ENOX2: variants seen among roughly 807,000 people sequenced by gnomAD.
ENOX2 encodes the protein ecto-NOX disulfide-thiol exchanger 2, also known as APK1 antigen.
In ENOX2, 36 loss-of-function variants were observed where a neutral mutation model predicts 45.0. The observed-to-expected ratio is 0.80, with a 90% CI of 0.61 to 1.06. The LOEUF (loss-of-function observed/expected upper bound fraction) is 1.06, where lower values mean the gene tolerates loss of function less well. ENOX2 is among the 50% of genes least tolerant of loss of function. ENOX2 has a pLI of 0.00. For synonymous variants in ENOX2, 174 were observed against 152.3 expected (o/e 1.14, Z -1.05); for missense variants, 423 against 462.5 (o/e 0.91, Z 0.78).
intron 3 of ENOX2, among the ~76,000 whole-genome samples, chrX:130,735,556 G>GC (rs1316604682): frequency 8.9e-6 from 1 of 112,107 alleles, no homozygotes; most frequent in Non-Finnish European, 1.9e-5. Context: ...GTTCACCATA[G>GC]AAGAGAGGAG....
intron 10 of ENOX2, among the ~76,000 whole-genome samples, chrX:130,649,422 G>T (rs1157104731): frequency 9.0e-6 from 1 of 110,978 alleles, no homozygotes. Flanking sequence ...GAACATGGGG[G>T]TTTTCCTAAA....
chrX:130,820,683 T>C (rs778203461), intron 2 of ENOX2, among the ~76,000 whole-genome samples: 1 of 112,661 alleles, frequency 8.9e-6, no homozygotes, highest in East Asian at 2.8e-4. Flanking sequence ...GTGGAGAACA[T>C]TACGTTAAGT....
intron 3 of ENOX2, among the ~76,000 whole-genome samples, chrX:130,763,246 T>C (rs2039536557): frequency 9.0e-6 from 1 of 111,117 alleles, no homozygotes; most frequent in Non-Finnish European, 1.9e-5. Context: ...TGCCTCATTA[T>C]TGCCAAATGG....
intron 3 of ENOX2, among the ~76,000 whole-genome samples, chrX:130,753,771 T>C (rs1022724237): frequency 3.6e-5 from 4 of 111,802 alleles, no homozygotes; most frequent in African/African-American, 1.3e-4. Flanking sequence ...GATACACGGT[T>C]AGTTTGGTTC....
intron 10 of ENOX2, among the ~76,000 whole-genome samples, chrX:130,655,266 A>C (rs1487778062): frequency 1.8e-5 from 2 of 112,423 alleles, no homozygotes; most frequent in Admixed American, 9.4e-5. Flanking sequence ...TTGTATGTTT[A>C]GGGTTCAAAC....
At chrX:130,676,462 G>C (rs1339661880) in intron 6 of ENOX2, among the ~76,000 whole-genome samples, 2 of 111,574 alleles carry the variant, frequency 1.8e-5, no homozygotes. Context: ...TATCACTGAT[G>C]GAAATCCCCT....
At chrX:130,637,792 T>C (rs769537139) in intron 10 of ENOX2, among the ~76,000 whole-genome samples, 4 of 112,163 alleles carry the variant, frequency 3.6e-5, no homozygotes, top group Non-Finnish European at 5.6e-5. Flanking sequence ...ATTGAGAAAC[T>C]TAACCTCGGA....
chrX:130,888,158 C>T (rs1248210706), intron 2 of ENOX2, among the ~76,000 whole-genome samples: 6 of 111,932 alleles, frequency 5.4e-5, no homozygotes, highest in Admixed American at 3.8e-4. Context: ...AAATCTATGT[C>T]TACCTAAAAA....
chrX:130,720,688 T>G, intron 3 of ENOX2, among the ~76,000 whole-genome samples: 1 of 112,184 alleles, frequency 8.9e-6, no homozygotes, highest in East Asian at 2.8e-4. Context: ...ACAAATGAAC[T>G]AACAGATACT....
chrX:130,679,083 G>A (rs1357342591), intron 6 of ENOX2, among the ~76,000 whole-genome samples: 7 of 111,622 alleles, frequency 6.3e-5, no homozygotes, highest in African/African-American at 2.3e-4. Flanking sequence ...AGTGCCTAAA[G>A]CAGTGCTGGG....
intron 3 of ENOX2, among the ~76,000 whole-genome samples, chrX:130,703,702 G>GAA (rs1159963787): frequency 9.0e-6 from 1 of 111,670 alleles, no homozygotes; most frequent in East Asian, 2.8e-4. Flanking sequence ...AATAAAAGAT[G>GAA]AAAATTATAC....
At chrX:130,794,274 T>C (rs1031935509) in intron 2 of ENOX2, among the ~76,000 whole-genome samples, 1 of 112,454 alleles carries the variant, frequency 8.9e-6, no homozygotes, top group African/African-American at 3.2e-5. Context: ...AAATAAATAA[T>C]TGCAGATTTC....
intron 3 of ENOX2, among the ~76,000 whole-genome samples, chrX:130,744,802 C>T (rs1278262967): frequency 9.0e-6 from 1 of 111,198 alleles, no homozygotes; most frequent in African/African-American, 3.3e-5. Flanking sequence ...AGACTGGTAC[C>T]GGTCCGTGGC....
chrX:130,895,362 T>C (rs953667266), intron 2 of ENOX2, among the ~76,000 whole-genome samples: 1 of 111,588 alleles, frequency 9.0e-6, no homozygotes, highest in Non-Finnish European at 1.9e-5. Context: ...TGGGGGCTTA[T>C]TGTGGGGCAG....
chrX:130,772,367 T>C (rs2039760686), intron 3 of ENOX2, among the ~76,000 whole-genome samples: 1 of 111,821 alleles, frequency 8.9e-6, no homozygotes, highest in Non-Finnish European at 1.9e-5. Flanking sequence ...TCTCAGGCTG[T>C]TCATCCTAGA....
At chrX:130,752,113 T>C (rs972613963) in intron 3 of ENOX2, among the ~76,000 whole-genome samples, 1 of 111,521 alleles carries the variant, frequency 9.0e-6, no homozygotes, top group Non-Finnish European at 1.9e-5. Flanking sequence ...GTCCCGGACA[T>C]GACTCTATAA....
intron 2 of ENOX2, among the ~76,000 whole-genome samples, chrX:130,898,567 T>C (rs2079096142): frequency 9.1e-6 from 1 of 110,132 alleles, no homozygotes. Context: ...GTACTGAGAG[T>C]TCTATGATGT....
chrX:130,733,949 T>G (rs190803369), intron 3 of ENOX2, among the ~76,000 whole-genome samples: 34 of 112,376 alleles, frequency 3.0e-4, no homozygotes, highest in Non-Finnish European at 4.9e-4. Flanking sequence ...GAATCTTCAG[T>G]TATCTCAAAA....
intron 2 of ENOX2, among the ~76,000 whole-genome samples, chrX:130,866,195 T>C (rs904663039): frequency 9.0e-6 from 1 of 111,655 alleles, no homozygotes; most frequent in Admixed American, 9.6e-5. Flanking sequence ...CTATTCATTA[T>C]ACCATTAAAA....
Sources: allele counts gnomAD v4.1 joint callset (sites outside exome capture counted in the v4.1 genomes callset), GRCh38; gene constraint gnomAD v4.1.1; transcripts MANE v1.5; gene names NCBI Gene and HGNC (gene_info 2026-07-23, HGNC 2026-07-21).